Variants in RAB11FIP3 observed in about 807,000 individuals in gnomAD.
RAB11FIP3 encodes rab11 family-interacting protein 3.
In RAB11FIP3, 17 loss-of-function variants were observed where a neutral mutation model predicts 77.8. That is an observed-to-expected ratio of 0.22 (90% CI 0.15 to 0.33). The LOEUF (loss-of-function observed/expected upper bound fraction) is 0.33, where lower values mean the gene tolerates loss of function less well. RAB11FIP3 is among the 10% of genes least tolerant of loss of function. The pLI is 1.00. For synonymous variants in RAB11FIP3, 437 were observed against 448.2 expected (o/e 0.98, Z 0.31); for missense variants, 1,005 against 1,011.2 (o/e 0.99, Z 0.08).
At chr16:442,005 A>G (rs1408957440) in intron 1 of RAB11FIP3, among the ~76,000 whole-genome samples, 1 of 151,922 alleles carries the variant, frequency 6.6e-6, no homozygotes, top group Non-Finnish European at 1.5e-5. Context: ...CGCCTGGCTA[A>G]TTTTTTGTAT....
At chr16:475,055 G>GAGCTGGGCCC in intron 3 of RAB11FIP3, 1 of 1,551,668 alleles carries the variant, frequency 6.4e-7, no homozygotes, top group Non-Finnish European at 8.7e-7. Context: ...GGTGTGTACA[G>GAGCTGGGCCC]AGCCAGGCCC....
intron 1 of RAB11FIP3, among the ~76,000 whole-genome samples, chr16:431,733 T>C (rs2055040470): frequency 6.6e-6 from 1 of 151,594 alleles, no homozygotes; most frequent in East Asian, 1.9e-4. Flanking sequence ...AGTACACAAT[T>C]GAGATCATAT....
chr16:485,709 C>A (rs1232838446), intron 4 of RAB11FIP3, among the ~76,000 whole-genome samples: 1 of 152,132 alleles, frequency 6.6e-6, no homozygotes, highest in Non-Finnish European at 1.5e-5. Context: ...CAGCCCCTGG[C>A]CAGAACAGAT....
chr16:429,498 A>AT lies in RAB11FIP3; in HGVS notation c.714+2793dup, dbSNP rs761957197. On this transcript the variant is annotated intron_variant, in intron 1 of 13. Transcript: ENST00000262305. ...TGATGATAACAACTAGATTATCTTA[A>AT]TTTTTTTTTTTTTTTGAGATGGAGT... is the stretch of plus-strand genomic sequence containing the variant. Among the ~76,000 whole-genome samples, 328 of 143,944 alleles carry AT rather than the reference A, an allele frequency of 2.3e-3. 2 individuals are homozygous for AT. The highest frequency in any genetic ancestry group is 3.7e-3 in the Admixed American group (53 of 14,230). 94.4% of individuals were successfully genotyped at this position (143,944 alleles called of 152,430 possible).
chr16:447,804 C>G (rs2055341549), intron 1 of RAB11FIP3, among the ~76,000 whole-genome samples: 1 of 152,190 alleles, frequency 6.6e-6, no homozygotes, highest in Non-Finnish European at 1.5e-5. Context: ...CATTAAGAGA[C>G]TCATGCTCAG....
rs2054954715 is a variant in RAB11FIP3 at position 426,824 on chromosome 16, A to G, written c.714+104A>G. 1.1e-6 allele frequency: 1 copy of G among 934,742 alleles called. No individual in the cohort carries two copies. The highest frequency in any genetic ancestry group is 1.5e-6 in the Non-Finnish European group (1 of 649,782). 57.9% of individuals were successfully genotyped at this position (934,742 alleles called of 1,614,324 possible). A position where few individuals can be genotyped will look rare whatever the true frequency, so the allele number is the denominator to read the frequency against. On this transcript the variant is annotated intron_variant, in intron 1 of 13. Coordinates refer to ENST00000262305, the MANE Select transcript of RAB11FIP3 (RefSeq NM_014700.4). The surrounding 1 kb of genome is among the most constrained non-coding windows in gnomAD (Gnocchi z 5.0). ...CGCTGCCCCTGGAGTCGGGAAAGGC[A>G]CTGTCAAGACCTGACGGTCCTGCTT...
chr16:491,878 C>G (rs2030227197), intron 5 of RAB11FIP3, among the ~76,000 whole-genome samples: 1 of 152,248 alleles, frequency 6.6e-6, no homozygotes, highest in Non-Finnish European at 1.5e-5. Context: ...AGAAACGGGC[C>G]ACTTTGGAGC....
intron 3 of RAB11FIP3, among the ~76,000 whole-genome samples, chr16:476,906 C>T (rs1002984155): frequency 2.6e-5 from 4 of 151,846 alleles, no homozygotes; most frequent in African/African-American, 7.3e-5. Context: ...CTGACCAACA[C>T]GGTGAAACCC....
Position 426,906 on chromosome 16 carries a change from C to T in RAB11FIP3, c.714+186C>T, listed in dbSNP as rs554432197. ...TTCTGGTTGAATTGCGCTGGAGTCC[C>T]TCTTCCCTTCTTAAAAGGAGGTTCT... On this transcript the variant is annotated intron_variant, in intron 1 of 13. Coordinates refer to ENST00000262305, the MANE Select transcript of RAB11FIP3 (RefSeq NM_014700.4). The surrounding 1 kb of genome is among the most constrained non-coding windows in gnomAD (Gnocchi z 5.0). Among the ~76,000 whole-genome samples the T allele has an allele frequency of 1.2e-3, 187 of 152,294 alleles. 2 individuals are homozygous for T. Among genetic ancestry groups the T allele is most frequent in the African/African-American group, 4.3e-3 (180 of 41,558 alleles).
rs534692553 is a variant in RAB11FIP3, at chr16:514,225, G to C, written c.1640+3425G>C. Among the ~76,000 whole-genome samples the C allele has an allele frequency of 6.6e-6, 1 of 152,238 alleles. No homozygotes were observed. Among genetic ancestry groups the C allele is most frequent in the African/African-American group, 2.4e-5 (1 of 41,464 alleles). On this transcript the variant is annotated intron_variant, in intron 9 of 13. Coordinates refer to ENST00000262305, the MANE Select transcript of RAB11FIP3 (RefSeq NM_014700.4). The surrounding 1 kb of genome is among the most constrained non-coding windows in gnomAD (Gnocchi z 4.6). ...TGTGGTTCTCAGGGCTGCTCAGGCCGTCAGAGGCCCCTGCAGCCCCAGGTC... is the reference window on the plus strand; with the variant it reads ...TGTGGTTCTCAGGGCTGCTCAGGCCCTCAGAGGCCCCTGCAGCCCCAGGTC...
intron 1 of RAB11FIP3, among the ~76,000 whole-genome samples, chr16:440,916 A>G (rs945344740): frequency 6.6e-6 from 1 of 150,714 alleles, no homozygotes; most frequent in African/African-American, 2.4e-5. Flanking sequence ...TCCAGAACAC[A>G]GGAAGGTCAG....
At chr16:435,266 A>C (rs1032263720) in intron 1 of RAB11FIP3, among the ~76,000 whole-genome samples, 12 of 152,078 alleles carry the variant, frequency 7.9e-5, no homozygotes, top group African/African-American at 2.9e-4. Flanking sequence ...ACATACAGGA[A>C]GAGTTTAGTT....
intron 5 of RAB11FIP3, among the ~76,000 whole-genome samples, chr16:490,574 C>T (rs775282299): frequency 2.0e-5 from 3 of 152,154 alleles, no homozygotes; most frequent in Non-Finnish European, 4.4e-5. Flanking sequence ...TGAGCTCAAG[C>T]GATCCACCCA....
chr16:504,922 C>T (rs1333807521), intron 7 of RAB11FIP3, among the ~76,000 whole-genome samples: 3 of 71,850 alleles, frequency 4.2e-5, no homozygotes, highest in East Asian at 3.8e-4. Context: ...CCCATCTCCT[C>T]CTGTACTCTC....
intron 6 of RAB11FIP3, among the ~76,000 whole-genome samples, chr16:499,986 C>T (rs1404666036): frequency 1.3e-5 from 2 of 152,238 alleles, no homozygotes; most frequent in Admixed American, 6.5e-5. Flanking sequence ...TCGCTTCTCA[C>T]AGTTCTCAGC....
chr16:500,724 A>T (rs1248984824), intron 6 of RAB11FIP3, among the ~76,000 whole-genome samples: 1 of 150,560 alleles, frequency 6.6e-6, no homozygotes, highest in Non-Finnish European at 1.5e-5. Context: ...AAATTAAATA[A>T]GTAAATAAAT....
At position 461,344 on chromosome 16, in the gene RAB11FIP3, A is replaced by G; in HGVS notation, c.715-60A>G. 7.1e-7 allele frequency: 1 copy of G among 1,399,376 alleles called. No homozygotes were observed. The highest frequency in any genetic ancestry group is 1.0e-6 in the Non-Finnish European group (1 of 1,002,328). 86.7% of individuals were successfully genotyped at this position (1,399,376 alleles called of 1,614,324 possible). On this transcript the variant is annotated intron_variant, in intron 1 of 13. Coordinates refer to ENST00000262305, the MANE Select transcript of RAB11FIP3 (RefSeq NM_014700.4). This position sits in a 1 kb window ranked among gnomAD's most constrained non-coding sequence, Gnocchi z 4.5. ...CCAGATCTCTCCCAGTCCGAGGTCC[A>G]GGGTTGGGGACCCCTGCTGTAAAGG...
At chr16:440,826 G>C (rs891854925) in intron 1 of RAB11FIP3, among the ~76,000 whole-genome samples, 2 of 152,386 alleles carry the variant, frequency 1.3e-5, no homozygotes, top group African/African-American at 4.8e-5. Context: ...CTGCGGGCAG[G>C]AAGTGAAGAG....
chr16:510,773 G>A lies in RAB11FIP3; in HGVS notation c.1613G>A (p.Ser538Asn), dbSNP rs376460823. 1.2e-6 allele frequency: 2 copies of A among 1,613,410 alleles called. No homozygotes were observed. The highest frequency in any genetic ancestry group is 1.1e-5 in the South Asian group (1 of 91,068). Reference sequence around the variant, plus strand: ...CTGTGCAAGATGGAGAGGGAGAAGAGCATTGAGATCGAGAACCTGCAGACC... The same window carrying A: ...CTGTGCAAGATGGAGAGGGAGAAGAACATTGAGATCGAGAACCTGCAGACC... ...ELLCKMEREK[S>N]IEIENLQTRL... is the part of the protein sequence containing the mutation. Residue 538 changes from serine to asparagine, a missense_variant, in exon 9 of 14, where the codon AGC (serine) becomes AAC (asparagine). Ser to Asn is a conservative substitution (Grantham distance 46, BLOSUM62 1). Around this residue, in one of 4 missense-constraint regions of RAB11FIP3, gnomAD observed 433 missense variants for 436.1 expected, o/e 0.99. Transcript: ENST00000262305.
Sources: gnomAD v4.1 joint callset for allele counts (sites outside exome capture counted in the v4.1 genomes callset) on GRCh38, gnomAD v4.1.1 for gene constraint, gnomAD v4.1.1 regional missense constraint, Gnocchi (gnomAD v3.1) non-coding constraint, MANE v1.5 for transcripts, NCBI Gene and HGNC (gene_info 2026-07-23, HGNC 2026-07-21) for gene names.